The following PARVA variants were observed in gnomAD, a reference collection of about 807,000 sequenced individuals.
PARVA encodes alpha-parvin.
PARVA carries 25 observed loss-of-function variants against 52.6 expected under a neutral mutation model. The observed-to-expected ratio is 0.48, with a 90% CI of 0.35 to 0.66. The LOEUF (loss-of-function observed/expected upper bound fraction) is 0.66, where lower values mean the gene tolerates loss of function less well. Ranked by LOEUF, PARVA falls within the 30% of genes least tolerant of loss-of-function variation. PARVA has a pLI of 0.01. For missense variants in PARVA, 373 were observed against 450.9 expected, an observed-to-expected ratio of 0.83 and a Z score of 1.56; for synonymous variants, 185 against 179.1, an observed-to-expected ratio of 1.03 and a Z score of -0.26.
chr11:12,469,690 G>C (rs1039050069), intron 1 of PARVA, among the ~76,000 whole-genome samples: 1 of 152,218 alleles, frequency 6.6e-6, no homozygotes, highest in Non-Finnish European at 1.5e-5. Context: ...AGAGTCAGCA[G>C]TTAATGGAAT....
intron 5 of PARVA, among the ~76,000 whole-genome samples, chr11:12,499,881 A>G (rs1327002909): frequency 6.6e-6 from 1 of 152,182 alleles, no homozygotes; most frequent in Non-Finnish European, 1.5e-5. Context: ...AGATGTATAT[A>G]TTGACAAATC....
At chr11:12,428,567 A>G (rs1251221550) in intron 1 of PARVA, among the ~76,000 whole-genome samples, 1 of 152,230 alleles carries the variant, frequency 6.6e-6, no homozygotes, top group African/African-American at 2.4e-5. Flanking sequence ...CTGGCATAGT[A>G]TCTGGCACCT....
intron 1 of PARVA, among the ~76,000 whole-genome samples, chr11:12,404,051 T>A (rs1939867248): frequency 6.6e-6 from 1 of 152,138 alleles, no homozygotes; most frequent in Non-Finnish European, 1.5e-5. Flanking sequence ...CAGCATTTCT[T>A]ATAAACTCGC....
At chr11:12,435,001 A>T (rs1940368049) in intron 1 of PARVA, among the ~76,000 whole-genome samples, 1 of 152,086 alleles carries the variant, frequency 6.6e-6, no homozygotes, top group African/African-American at 2.4e-5. Flanking sequence ...GTATTCACCA[A>T]ATGTCTTGAA....
At chr11:12,405,865 G>A (rs1010518090) in intron 1 of PARVA, among the ~76,000 whole-genome samples, 6 of 152,150 alleles carry the variant, frequency 3.9e-5, no homozygotes, top group African/African-American at 1.4e-4. Flanking sequence ...GGCTGAGGCA[G>A]GAGAATTGCT....
intron 4 of PARVA, among the ~76,000 whole-genome samples, chr11:12,491,921 A>G (rs1469320647): frequency 6.6e-6 from 1 of 152,208 alleles, no homozygotes; most frequent in East Asian, 1.9e-4. Flanking sequence ...AAATTTGACT[A>G]TGCCCATAAA....
intron 3 of PARVA, among the ~76,000 whole-genome samples, chr11:12,475,296 C>A (rs1488466831): frequency 6.6e-6 from 1 of 152,220 alleles, no homozygotes; most frequent in Non-Finnish European, 1.5e-5. Flanking sequence ...CTCCAGGAAG[C>A]TTGCTCTAAA....
intron 12 of PARVA, among the ~76,000 whole-genome samples, chr11:12,522,181 C>G (rs563543363): frequency 6.6e-6 from 1 of 152,094 alleles, no homozygotes; most frequent in Non-Finnish European, 1.5e-5. Flanking sequence ...GAGTGTACAT[C>G]CCAGTAGACT....
At chr11:12,390,682 C>T (rs1389332487) in intron 1 of PARVA, among the ~76,000 whole-genome samples, 3 of 152,164 alleles carry the variant, frequency 2.0e-5, no homozygotes, top group Admixed American at 6.5e-5. Context: ...CTCCATTCTC[C>T]CACACTTGAG....
intron 12 of PARVA, among the ~76,000 whole-genome samples, chr11:12,520,715 C>G (rs1941626226): frequency 6.6e-6 from 1 of 152,172 alleles, no homozygotes; most frequent in East Asian, 1.9e-4. Context: ...TTTGGGAGGC[C>G]AAGGTGGGCA....
chr11:12,435,879 G>A (rs915217179), intron 1 of PARVA, among the ~76,000 whole-genome samples: 2 of 152,072 alleles, frequency 1.3e-5, no homozygotes, highest in African/African-American at 2.4e-5. Flanking sequence ...GTGCAGTGGC[G>A]TGATCTCGGC....
intron 1 of PARVA, among the ~76,000 whole-genome samples, chr11:12,453,794 A>G (rs1940657568): frequency 6.6e-6 from 1 of 152,172 alleles, no homozygotes; most frequent in Non-Finnish European, 1.5e-5. Context: ...TTGGGTTCTG[A>G]AAACACACAT....
chr11:12,418,381 C>T (rs927319018), intron 1 of PARVA, among the ~76,000 whole-genome samples: 4 of 152,176 alleles, frequency 2.6e-5, no homozygotes, highest in Non-Finnish European at 5.9e-5. Context: ...GCTTGAGGGC[C>T]GTAGTGGTGA....
chr11:12,495,681 C>T (rs1941290296), intron 4 of PARVA, among the ~76,000 whole-genome samples: 1 of 151,594 alleles, frequency 6.6e-6, no homozygotes, highest in Non-Finnish European at 1.5e-5. Context: ...GATTTTAAAA[C>T]ACACCATTAT....
At chr11:12,443,946 C>A (rs1275998073) in intron 1 of PARVA, among the ~76,000 whole-genome samples, 1 of 152,214 alleles carries the variant, frequency 6.6e-6, no homozygotes, top group African/African-American at 2.4e-5. Context: ...CTTACTATCT[C>A]ATTCCTGTTT....
chr11:12,453,215 G>C (rs749869817), intron 1 of PARVA, among the ~76,000 whole-genome samples: 2 of 152,008 alleles, frequency 1.3e-5, no homozygotes, highest in Non-Finnish European at 2.9e-5. Context: ...TGTTGTTAGA[G>C]GTAGCTATGG....
chr11:12,411,576 C>T (rs976674863), intron 1 of PARVA, among the ~76,000 whole-genome samples: 1 of 152,080 alleles, frequency 6.6e-6, no homozygotes, highest in Admixed American at 6.5e-5. Flanking sequence ...TTTTTACTTT[C>T]CTTGTTTTTG....
intron 1 of PARVA, among the ~76,000 whole-genome samples, chr11:12,397,637 G>A (rs78100404): frequency 0.089 from 13,474 of 152,016 alleles, 717 homozygotes; most frequent in African/African-American, 0.14. Context: ...AAGTTATCCG[G>A]ATCTCTAATC....
chr11:12,511,482 G>A (rs1257348147), intron 7 of PARVA, 32 bp from the exon 8 acceptor site: 4 of 1,609,238 alleles, frequency 2.5e-6, no homozygotes, highest in Admixed American at 1.7e-5. Flanking sequence ...CAAGAGAAGA[G>A]TCACACTATT....
Sources: allele counts gnomAD v4.1 joint callset (sites outside exome capture counted in the v4.1 genomes callset), GRCh38; gene constraint gnomAD v4.1.1; transcripts MANE v1.5; gene names NCBI Gene and HGNC (gene_info 2026-07-23, HGNC 2026-07-21).